The following PHF14 variants were observed in gnomAD, a reference collection of about 807,000 sequenced individuals.
The protein encoded by PHF14 is PHD finger protein 14.
A neutral mutation model predicts 117.9 loss-of-function variants in PHF14; 55 were observed. The ratio of observed to expected loss-of-function variants is 0.47; its 90% CI spans 0.38 to 0.58. The LOEUF is 0.58. Ranked by LOEUF, PHF14 falls within the 20% of genes least tolerant of loss-of-function variation. The probability of loss-of-function intolerance (pLI) is 0.00; values close to 1 mark genes in which losing one functional copy is unlikely to be tolerated. For missense variants in PHF14, 978 were observed against 1,122.2 expected (o/e 0.87, Z 1.84); for synonymous variants, 409 against 368.6 (o/e 1.11, Z -1.26).
chr7:11,147,528 A>T (rs1403088642), intron 17 of PHF14, among the ~76,000 whole-genome samples: 4 of 152,184 alleles, frequency 2.6e-5, no homozygotes, highest in African/African-American at 9.6e-5. Flanking sequence ...CTTTCTTATC[A>T]GACCCAATAG....
chr7:11,008,946 G>A (rs574983708), intron 4 of PHF14, among the ~76,000 whole-genome samples: 2 of 150,098 alleles, frequency 1.3e-5, no homozygotes, highest in Non-Finnish European at 3.0e-5. Flanking sequence ...TGAGGCAGGA[G>A]AATGGCTTGA....
intron 16 of PHF14, among the ~76,000 whole-genome samples, chr7:11,074,134 G>A (rs1273354355): frequency 6.6e-6 from 1 of 152,058 alleles, no homozygotes; most frequent in Admixed American, 6.6e-5. Flanking sequence ...TTTTAGTCAT[G>A]CTAATCACTT....
intron 17 of PHF14, among the ~76,000 whole-genome samples, chr7:11,152,673 T>C: frequency 6.6e-6 from 1 of 152,210 alleles, no homozygotes; most frequent in East Asian, 1.9e-4. Flanking sequence ...GAAAATCTGC[T>C]GTCGTGGAGC....
chr7:10,999,824 G>A (rs1212864817), intron 4 of PHF14, among the ~76,000 whole-genome samples: 1 of 152,198 alleles, frequency 6.6e-6, no homozygotes, highest in African/African-American at 2.4e-5. Flanking sequence ...TAAGTCAACA[G>A]GATGTTGTGT....
chr7:10,990,924 C>T (rs1263238308), intron 4 of PHF14, 77 bp downstream of exon 4: 2 of 977,340 alleles, frequency 2.0e-6, no homozygotes, highest in Non-Finnish European at 3.0e-6. Context: ...GGTGGTTCTA[C>T]AATATTTCAT....
intron 16 of PHF14, among the ~76,000 whole-genome samples, chr7:11,087,787 A>G (rs1252532937): frequency 6.6e-6 from 1 of 152,068 alleles, no homozygotes; most frequent in East Asian, 1.9e-4. Context: ...AGACTCTGTC[A>G]CTCTTTTCTG....
intron 17 of PHF14, among the ~76,000 whole-genome samples, chr7:11,156,680 A>G (rs966191753): frequency 6.6e-6 from 1 of 152,162 alleles, no homozygotes; most frequent in Non-Finnish European, 1.5e-5. Context: ...CTGTAATCCC[A>G]GCTACTCGGG....
chr7:11,127,244 C>CTTTT (rs10668180), intron 17 of PHF14, among the ~76,000 whole-genome samples: 41 of 145,148 alleles, frequency 2.8e-4, no homozygotes, highest in African/African-American at 1.0e-3. Context: ...CTTGCCCCTC[C>CTTTT]TTTTTTTTTT....
intron 13 of PHF14, among the ~76,000 whole-genome samples, chr7:11,045,983 G>T (rs1200781099): frequency 1.3e-5 from 2 of 152,126 alleles, no homozygotes; most frequent in Non-Finnish European, 2.9e-5. Flanking sequence ...GAAGGAGAGG[G>T]GAAAACCTAG....
At chr7:11,151,767 T>G (rs952406366) in intron 17 of PHF14, among the ~76,000 whole-genome samples, 1 of 152,166 alleles carries the variant, frequency 6.6e-6, no homozygotes, top group East Asian at 1.9e-4. Flanking sequence ...TAAAGGCCAT[T>G]TTTTTCTTGC....
In PHF14 at chr7:11,095,689, G is replaced by C. The variant is rs1786822608; in HGVS notation, c.2655-15661G>C. 2.0e-5 allele frequency among the ~76,000 whole-genome samples: 3 copies of C among 151,942 alleles called. No homozygotes were observed. In the South Asian group the frequency reaches 6.2e-4, roughly 32 times the overall value. The stretch of plus-strand genomic sequence containing the variant: ...CATTATCTACTAAATTGGGAGAAGT[G>C]AAAAAAAGTCAAATAATTTTCTATT... On this transcript the variant is annotated intron_variant, in intron 16 of 17. Transcript: ENST00000634607.
chr7:11,106,871 T>C (rs1787283697), intron 16 of PHF14: 11 of 983,420 alleles, frequency 1.1e-5, no homozygotes, highest in Non-Finnish European at 1.3e-5. Context: ...AGTCCAGTTT[T>C]TGTTTTGCTT....
At chr7:11,114,703 A>G (rs892521892) in intron 17 of PHF14, among the ~76,000 whole-genome samples, 2 of 152,144 alleles carry the variant, frequency 1.3e-5, no homozygotes, top group African/African-American at 4.8e-5. Flanking sequence ...AGTCAGTTAC[A>G]TGGACACAAA....
chr7:11,047,214 G>A (rs904765471), intron 13 of PHF14, among the ~76,000 whole-genome samples: 7 of 151,880 alleles, frequency 4.6e-5, no homozygotes, highest in East Asian at 2.0e-4. Flanking sequence ...GACTACAGGC[G>A]CGTGCCACCA....
At chr7:10,974,727 A>G (rs568581138) in intron 1 of PHF14, 108 bp from the exon 2 acceptor site, 8 of 654,496 alleles carry the variant, frequency 1.2e-5, no homozygotes, top group Admixed American at 6.0e-5. Flanking sequence ...GAACTCAGTT[A>G]GACAAAAATT....
At chr7:11,003,350 A>G (rs1782950020) in intron 4 of PHF14, among the ~76,000 whole-genome samples, 1 of 152,170 alleles carries the variant, frequency 6.6e-6, no homozygotes, top group African/African-American at 2.4e-5. Context: ...GCTTTCATAT[A>G]TGCTTTTCCT....
intron 10 of PHF14, among the ~76,000 whole-genome samples, chr7:11,038,555 A>T (rs1784390381): frequency 6.6e-6 from 1 of 151,640 alleles, no homozygotes; most frequent in African/African-American, 2.4e-5. Flanking sequence ...CTACTCGGGA[A>T]ACTGCAGCAG....
chr7:11,042,835 T>A (rs773765343), intron 13 of PHF14, 21 bp downstream of exon 13: 1 of 1,516,972 alleles, frequency 6.6e-7, no homozygotes, highest in South Asian at 1.2e-5. Context: ...TAGAGGAGAT[T>A]TAGATGTTTG....
At chr7:11,146,262 G>C (rs1312577573) in intron 17 of PHF14, among the ~76,000 whole-genome samples, 1 of 152,058 alleles carries the variant, frequency 6.6e-6, no homozygotes, top group Non-Finnish European at 1.5e-5. Context: ...GGATATATCT[G>C]CCACAGGAAT....
Sources: allele counts gnomAD v4.1 joint callset (sites outside exome capture counted in the v4.1 genomes callset), GRCh38; gene constraint gnomAD v4.1.1; transcripts MANE v1.5; gene names NCBI Gene and HGNC (gene_info 2026-07-23, HGNC 2026-07-21).